ULK3: variants seen among roughly 807,000 people sequenced by gnomAD.
ULK3 encodes unc-51 like kinase 3.
In ULK3, 54 loss-of-function variants were observed where a neutral mutation model predicts 69.4. That is an observed-to-expected ratio of 0.78 (90% CI 0.63 to 0.98). The LOEUF (loss-of-function observed/expected upper bound fraction) is 0.98. Among genes scored for constraint, ULK3 ranks in the 50% least tolerant of loss-of-function variants. ULK3 has a pLI of 0.00. For missense variants in ULK3, 558 were observed against 627.7 expected (o/e 0.89, Z 1.19); for synonymous variants, 240 against 254.5 (o/e 0.94, Z 0.54).
In ULK3 at chr15:74,840,325, G is replaced by A. The variant is rs760294544; in HGVS notation, c.614-9C>T. On this transcript the variant is annotated splice_polypyrimidine_tract_variant and intron_variant, in intron 5 of 15. Transcript: ENST00000440863. Reference sequence around the variant, plus strand: ...CTGCCCGAAGAGGGCTTCTGTGGAAGGGAGGCAGAGCGGAGGCTGGGAGGG... The same window carrying A: ...CTGCCCGAAGAGGGCTTCTGTGGAAAGGAGGCAGAGCGGAGGCTGGGAGGG... The A allele has an allele frequency of 3.3e-5, 53 of 1,606,308 alleles. No individual in the cohort carries two copies. The highest frequency in any genetic ancestry group is 4.4e-5 in the Non-Finnish European group (52 of 1,176,720).
intron 8 of ULK3, 92 bp downstream of exon 8, chr15:74,839,176 A>C: frequency 6.5e-7 from 1 of 1,527,646 alleles, no homozygotes; most frequent in South Asian, 1.2e-5. Context: ...ACAAAATTCT[A>C]GATAGAGAAC....
rs1421759119 is a variant in ULK3 at position 74,837,675 on chromosome 15, G to C, written c.1335+76C>G. On this transcript the variant is annotated intron_variant, in intron 14 of 15. Transcript: ENST00000440863. ...GCGAGAGAGCAGACATACACCAGCA[G>C]GGGGGGACGACAGCCACAAGCAGAG... 3 of 249,368 alleles carry C rather than the reference G, an allele frequency of 1.2e-5. No homozygotes were observed. In the East Asian group the frequency reaches 4.1e-4, roughly 34 times the overall value. 15.4% of individuals were successfully genotyped at this position (249,368 alleles called of 1,614,324 possible).
In ULK3 at chr15:74,839,566, C is replaced by A. The variant is rs868379855; in HGVS notation, c.844G>T (p.Gly282Trp). 6.4e-7 allele frequency: 1 copy of A among 1,560,036 alleles called. No individual in the cohort carries two copies. ...LEHMPSGESL[G>W]RATALVVQAV... The stretch of plus-strand genomic sequence containing the variant: ...CCCAGCCGTCTGCTCACTGCTCGCC[C>A]CAGACTCTCCCCACTGGGCATGTGC... Residue 282 changes from glycine to tryptophan, a missense_variant, in exon 7 of 16, where the codon GGG (glycine) becomes TGG (tryptophan). Physicochemically the swap from Gly to Trp is radical, Grantham distance 184. Coordinates refer to ENST00000440863, the MANE Select transcript of ULK3 (RefSeq NM_001099436.4).
At position 74,837,240 on chromosome 15, in the gene ULK3, G is replaced by A. The variant is rs747291681; in HGVS notation, c.1407C>T (p.Cys469=). 9.5e-6 allele frequency: 15 copies of A among 1,580,276 alleles called. No homozygotes were observed. Among genetic ancestry groups the A allele is most frequent in the Non-Finnish European group, 1.3e-5 (15 of 1,161,722 alleles). ...CATTCTTCTAGGGTCACTGAAGGGT[G>A]CAAGCTACGGGGGTGAGGGGGACAA... ...EGLSESVRSS[C]TLQ The change falls in exon 16 of 16, where the codon TGC becomes TGT. Residue 469 remains cysteine (C), a synonymous_variant. Coordinates refer to ENST00000440863, the MANE Select transcript of ULK3 (RefSeq NM_001099436.4).
Position 74,842,593 on chromosome 15 carries a change from T to A in ULK3, c.103-173A>T. On this transcript the variant is annotated intron_variant, in intron 1 of 15. Transcript: ENST00000440863. The surrounding 1 kb of genome is among the most constrained non-coding windows in gnomAD (Gnocchi z 4.9). ...CCCTTGTGAGGCCAGTGAGGAATGCTGATTCTGGAATCCTGGCTTCCCGAC... is the reference window on the plus strand; with the variant it reads ...CCCTTGTGAGGCCAGTGAGGAATGCAGATTCTGGAATCCTGGCTTCCCGAC... 1 of 1,558,696 alleles carries A rather than the reference T, an allele frequency of 6.4e-7. No individual in the cohort carries two copies. The highest frequency in any genetic ancestry group is 1.1e-5 in the South Asian group (1 of 87,102).
chr15:74,842,697 AT>A lies in ULK3; in HGVS notation c.103-278del. 2 of 1,533,972 alleles carry A rather than the reference AT, an allele frequency of 1.3e-6. No individual in the cohort carries two copies. The highest frequency in any genetic ancestry group is 2.4e-5 in the South Asian group (2 of 84,012). ...ATTCTGGAGTGCTCCCGGCAGAGGC[AT>A]GTCACTCAGGGTTCTAGAACCGCCC... is the stretch of plus-strand genomic sequence containing the variant. On this transcript the variant is annotated intron_variant, in intron 1 of 15. Transcript: ENST00000440863. The surrounding 1 kb of genome is among the most constrained non-coding windows in gnomAD (Gnocchi z 4.9).
intron 14 of ULK3, 93 bp downstream of exon 14, chr15:74,837,658 G>A: frequency 2.1e-6 from 3 of 1,415,490 alleles, no homozygotes; most frequent in East Asian, 2.5e-5. Flanking sequence ...AGGCGAGAGA[G>A]CAGACATACA....
chr15:74,841,370 C>G, intron 4 of ULK3, 35 bp downstream of exon 4: 1 of 1,590,384 alleles, frequency 6.3e-7, no homozygotes, highest in Non-Finnish European at 8.6e-7. Context: ...CCTCTGCACT[C>G]TCCAAACCTC....
rs200035633 is a variant in ULK3, at chr15:74,842,427, G to C, written c.103-7C>G. 1.2e-6 allele frequency: 2 copies of C among 1,613,888 alleles called. No homozygotes were observed. Among genetic ancestry groups the C allele is most frequent in the Admixed American group, 3.3e-5 (2 of 60,024 alleles). On this transcript the variant is annotated splice_region_variant and splice_polypyrimidine_tract_variant and intron_variant, in intron 1 of 15. Coordinates refer to ENST00000440863, the MANE Select transcript of ULK3 (RefSeq NM_001099436.4). This position sits in a 1 kb window ranked among gnomAD's most constrained non-coding sequence, Gnocchi z 4.9. Reference sequence around the variant, plus strand: ...CCACTTCACGAGTGTCCTTCTGCGAGACAGGAGATTTGGGGACTCTGCCTT... The same window carrying C: ...CCACTTCACGAGTGTCCTTCTGCGACACAGGAGATTTGGGGACTCTGCCTT...
Position 74,838,198 on chromosome 15 carries a change from AAG to A in ULK3, c.1247-8_1247-7del. The A allele has an allele frequency of 6.4e-7, 1 of 1,567,876 alleles. No individual in the cohort carries two copies. The highest frequency in any genetic ancestry group is 8.6e-7 in the Non-Finnish European group (1 of 1,156,874). On this transcript the variant is annotated splice_region_variant and splice_polypyrimidine_tract_variant and intron_variant, in intron 12 of 15. Transcript: ENST00000440863. ...CCTCCGGCCCGGGGGCTCCGCTGTA[AAG>A]AGAGGGTGTGTGGTGAGGACAGGGT...
In ULK3 at chr15:74,836,985, A is replaced by G. The variant is rs1341619846; in HGVS notation, c.*243T>C. On this transcript the variant is annotated 3_prime_UTR_variant, in exon 16 of 16. Coordinates refer to ENST00000440863, the MANE Select transcript of ULK3 (RefSeq NM_001099436.4). This position sits in a 1 kb window ranked among gnomAD's most constrained non-coding sequence, Gnocchi z 4.0. ...CACCGAGTAACAAAGGTCTCATGAA[A>G]GAAGTGCTGTTCTCCCAGAGTCCTG... is the stretch of plus-strand genomic sequence containing the variant. The G allele has an allele frequency of 2.2e-6, 1 of 464,738 alleles. No homozygotes were observed. Among genetic ancestry groups the G allele is most frequent in the Non-Finnish European group, 3.7e-6 (1 of 268,036 alleles). 28.8% of individuals were successfully genotyped at this position (464,738 alleles called of 1,614,324 possible). A position where few individuals can be genotyped will look rare whatever the true frequency, so the allele number is the denominator to read the frequency against.
rs1405582654 is a variant in ULK3 at position 74,840,218 on chromosome 15, G to A, written c.696+16C>T. On this transcript the variant is annotated intron_variant, in intron 6 of 15. Coordinates refer to ENST00000440863, the MANE Select transcript of ULK3 (RefSeq NM_001099436.4). ...CCTCTGCCCCCCAGTGGTCGCTAAG[G>A]CCCTGCTAGACACACCTCGATGACC... 38 of 1,601,988 alleles carry A rather than the reference G, an allele frequency of 2.4e-5. No homozygotes were observed. The highest frequency in any genetic ancestry group is 3.0e-5 in the Non-Finnish European group (35 of 1,174,734).
chr15:74,841,093 T>C (rs1464746699), intron 4 of ULK3, among the ~76,000 whole-genome samples: 4 of 152,130 alleles, frequency 2.6e-5, no homozygotes, highest in Non-Finnish European at 5.9e-5. Context: ...CACAGAGGGA[T>C]CCCTGATGCT....
chr15:74,838,505 C>T lies in ULK3; in HGVS notation c.1103-1G>A, dbSNP rs780590841. On this transcript the variant is annotated splice_acceptor_variant, in intron 10 of 15. Transcript: ENST00000440863. LOFTEE classifies it high-confidence loss of function. Reference sequence around the variant, plus strand: ...AGGCGTGGCTTGTCCCGGGCCATCTCTGAGATGAGGGGAAAGGCTCAGGGT... The same window carrying T: ...AGGCGTGGCTTGTCCCGGGCCATCTTTGAGATGAGGGGAAAGGCTCAGGGT... 5.5e-5 allele frequency: 86 copies of T among 1,572,408 alleles called. No homozygotes were observed. The highest frequency in any genetic ancestry group is 7.2e-5 in the Non-Finnish European group (84 of 1,159,024).
At position 74,839,116 on chromosome 15, in the gene ULK3, G is replaced by A. The variant is rs561554720; in HGVS notation, c.959-66C>T. 28 of 1,559,232 alleles carry A rather than the reference G, an allele frequency of 1.8e-5. No individual in the cohort carries two copies. In the African/African-American group the frequency reaches 3.8e-4, roughly 21 times the overall value. ...CTCCCTGCCCCACAACGAACCCTCT[G>A]GAATCCCTCAAAACACAATATTCCA... On this transcript the variant is annotated intron_variant, in intron 8 of 15. Coordinates refer to ENST00000440863, the MANE Select transcript of ULK3 (RefSeq NM_001099436.4).
intron 14 of ULK3, 98 bp downstream of exon 14, chr15:74,837,651 CGA>C (rs954653085): frequency 2.8e-6 from 4 of 1,407,236 alleles, no homozygotes; most frequent in African/African-American, 1.5e-5. Flanking sequence ...GCAGAGGAGG[CGA>C]GAGAGCAGAC....
At chr15:74,840,942 T>A (rs1457515830) in intron 4 of ULK3, among the ~76,000 whole-genome samples, 1 of 151,900 alleles carries the variant, frequency 6.6e-6, no homozygotes, top group Non-Finnish European at 1.5e-5. Flanking sequence ...TATCACAGTC[T>A]CTGGCCTCCA....
chr15:74,841,883 G>A (rs563289868), intron 3 of ULK3, among the ~76,000 whole-genome samples, 192 bp downstream of exon 3: 2 of 152,336 alleles, frequency 1.3e-5, no homozygotes, highest in South Asian at 2.1e-4. Context: ...CCACAGAGGG[G>A]TTACCCCCTC....
chr15:74,838,777 G>C (rs1485343466), intron 9 of ULK3, 32 bp from the exon 10 acceptor site: 2 of 1,559,980 alleles, frequency 1.3e-6, no homozygotes, highest in South Asian at 2.3e-5. Flanking sequence ...AGGAGGGGCT[G>C]TCTCACCAGC....
Sources: allele counts gnomAD v4.1 joint callset (sites outside exome capture counted in the v4.1 genomes callset), GRCh38; gene constraint gnomAD v4.1.1; non-coding constraint Gnocchi (gnomAD v3.1); transcripts MANE v1.5; gene names NCBI Gene and HGNC (gene_info 2026-07-23, HGNC 2026-07-21).